The following TET2 variants were observed in gnomAD, a reference collection of about 807,000 sequenced individuals.
The protein encoded by TET2 is tet methylcytosine dioxygenase 2.
Under a neutral mutation model 142.9 loss-of-function variants are expected in TET2, and 299 were observed. The ratio of observed to expected loss-of-function variants is 2.09; its 90% CI spans 1.90 to 2.30. TET2 has a LOEUF of 2.30. TET2 is among the 30% of genes most tolerant of loss of function. The pLI, the probability that TET2 is intolerant of heterozygous loss-of-function variation, is 0.00. For missense variants in TET2, 2,418 were observed against 2,378.0 expected, an observed-to-expected ratio of 1.02 and a Z score of -0.35; for synonymous variants, 819 against 849.0, an observed-to-expected ratio of 0.96 and a Z score of 0.61.
intron 2 of TET2, among the ~76,000 whole-genome samples, chr4:105,231,002 C>A (rs1234246975): frequency 6.6e-6 from 1 of 151,942 alleles, no homozygotes; most frequent in African/African-American, 2.4e-5. Flanking sequence ...TCAAGTATGT[C>A]TTTGAAATCC....
At chr4:105,152,553 A>G (rs1438227447) in intron 1 of TET2, among the ~76,000 whole-genome samples, 1 of 151,628 alleles carries the variant, frequency 6.6e-6, no homozygotes, top group African/African-American at 2.4e-5. Flanking sequence ...CTAGAAAAAA[A>G]AAGTATAATC....
rs1401073872 is a variant in TET2, at chr4:105,243,941, GA to G, written c.3803+165del. On this transcript the variant is annotated intron_variant, in intron 6 of 10. Coordinates refer to ENST00000380013, the MANE Select transcript of TET2 (RefSeq NM_001127208.3). Reference sequence around the variant, plus strand: ...GATAAGAAGTTGTATTTGCTAATGTGAATAACTTGAGATGATTTCATTATCT... The same window carrying G: ...GATAAGAAGTTGTATTTGCTAATGTGATAACTTGAGATGATTTCATTATCT... Among the ~76,000 whole-genome samples the G allele has an allele frequency of 2.6e-5, 4 of 152,210 alleles. No homozygotes were observed. The East Asian group carries it at 7.7e-4, about 29-fold the overall frequency.
At chr4:105,173,665 A>G (rs1724612032) in intron 1 of TET2, among the ~76,000 whole-genome samples, 1 of 152,242 alleles carries the variant, frequency 6.6e-6, no homozygotes, top group Non-Finnish European at 1.5e-5. Flanking sequence ...AGGTGATGAC[A>G]TGAGGAAAAA....
chr4:105,250,771 C>T (rs1702410671), intron 6 of TET2, among the ~76,000 whole-genome samples: 1 of 152,112 alleles, frequency 6.6e-6, no homozygotes, highest in African/African-American at 2.4e-5. Flanking sequence ...CAGCTCACTG[C>T]AACCTCCACC....
At chr4:105,206,489 T>C (rs72955167) in intron 2 of TET2, among the ~76,000 whole-genome samples, 14,355 of 152,200 alleles carry the variant, frequency 0.094, 1,924 homozygotes, top group African/African-American at 0.3. Flanking sequence ...CAGTCTACCT[T>C]TGTCCTGTTA....
In TET2 at chr4:105,226,593, G is replaced by GTCTCCTTCCCTCCCTC. The variant is rs1220346584; in HGVS notation, c.-46-7286_-46-7271dup. ...GGGTGTGTGGCACGTCCCCCTCCCT[G>GTCTCCTTCCCTCCCTC]TCTCCTTCCCTCCCTCTCTCCTTCC... On this transcript the variant is annotated intron_variant, in intron 2 of 10. Coordinates refer to ENST00000380013, the MANE Select transcript of TET2 (RefSeq NM_001127208.3). Among the ~76,000 whole-genome samples the GTCTCCTTCCCTCCCTC allele has an allele frequency of 2.6e-3, 392 of 151,510 alleles. 2 individuals are homozygous for GTCTCCTTCCCTCCCTC. The highest frequency in any genetic ancestry group is 8.9e-3 in the African/African-American group (368 of 41,242).
At chr4:105,266,633 T>C (rs1422553658) in intron 8 of TET2, among the ~76,000 whole-genome samples, 1 of 151,996 alleles carries the variant, frequency 6.6e-6, no homozygotes, top group Non-Finnish European at 1.5e-5. Flanking sequence ...GTGAAAAATA[T>C]ATATCTAGAT....
chr4:105,198,959 G>C (rs1442772857), intron 2 of TET2, among the ~76,000 whole-genome samples: 2 of 151,960 alleles, frequency 1.3e-5, no homozygotes, highest in African/African-American at 2.4e-5. Flanking sequence ...TTTCACTAAA[G>C]TGTCCTACCA....
At chr4:105,223,000 A>C (rs1023175644) in intron 2 of TET2, among the ~76,000 whole-genome samples, 12 of 152,074 alleles carry the variant, frequency 7.9e-5, no homozygotes, top group Non-Finnish European at 1.6e-4. Flanking sequence ...TGTTTTTCTC[A>C]GGTTTGTCAA....
intron 2 of TET2, among the ~76,000 whole-genome samples, chr4:105,230,781 T>G (rs1252642950): frequency 3.3e-5 from 5 of 152,188 alleles, no homozygotes; most frequent in African/African-American, 9.6e-5. Context: ...TAGCAAACTT[T>G]CCCATCTTTT....
chr4:105,168,819 T>A (rs1013684075), intron 1 of TET2, among the ~76,000 whole-genome samples: 2 of 152,214 alleles, frequency 1.3e-5, no homozygotes, highest in South Asian at 4.1e-4. Flanking sequence ...CTCCCACTTA[T>A]GAGTGAGAAC....
intron 1 of TET2, among the ~76,000 whole-genome samples, chr4:105,186,254 A>C (rs564229436): frequency 6.6e-6 from 1 of 152,130 alleles, no homozygotes; most frequent in Non-Finnish European, 1.5e-5. Flanking sequence ...AAAAACAAAA[A>C]CAACAGTAGA....
chr4:105,246,798 T>C (rs1729604596), intron 6 of TET2, among the ~76,000 whole-genome samples: 1 of 152,204 alleles, frequency 6.6e-6, no homozygotes, highest in African/African-American at 2.4e-5. Context: ...AATCCCTGTG[T>C]CCACATGCTC....
At chr4:105,149,241 T>G (rs943308284) in intron 1 of TET2, among the ~76,000 whole-genome samples, 3 of 152,176 alleles carry the variant, frequency 2.0e-5, no homozygotes, top group African/African-American at 7.2e-5. Flanking sequence ...CAACTAATAA[T>G]AGATACAACA....
intron 1 of TET2, among the ~76,000 whole-genome samples, chr4:105,187,497 T>G (rs937401247): frequency 6.6e-6 from 1 of 152,214 alleles, no homozygotes; most frequent in Non-Finnish European, 1.5e-5. Context: ...AATACATAAG[T>G]TTTTTCAAAT....
At chr4:105,225,388 T>C (rs1019871106) in intron 2 of TET2, among the ~76,000 whole-genome samples, 3 of 152,150 alleles carry the variant, frequency 2.0e-5, no homozygotes, top group Non-Finnish European at 4.4e-5. Flanking sequence ...TTTTATGTGG[T>C]GTTCTCTGTA....
chr4:105,151,131 C>T (rs1310233528), intron 1 of TET2, among the ~76,000 whole-genome samples: 4 of 152,056 alleles, frequency 2.6e-5, no homozygotes, highest in Non-Finnish European at 5.9e-5. Context: ...CCACCCTGGG[C>T]AACACAGTCA....
intron 10 of TET2, among the ~76,000 whole-genome samples, chr4:105,273,732 A>G (rs1731072298): frequency 6.6e-6 from 1 of 152,132 alleles, no homozygotes; most frequent in Non-Finnish European, 1.5e-5. Context: ...GGAGAATGAA[A>G]CATTTTTCCT....
intron 1 of TET2, among the ~76,000 whole-genome samples, chr4:105,163,850 A>AGT (rs1414292126): frequency 7.3e-4 from 80 of 109,680 alleles, no homozygotes; most frequent in African/African-American, 2.3e-3. Flanking sequence ...AGAGAGAGAG[A>AGT]GAGAGTGTGT....
Sources: gnomAD v4.1 joint callset for allele counts (sites outside exome capture counted in the v4.1 genomes callset) on GRCh38, gnomAD v4.1.1 for gene constraint, MANE v1.5 for transcripts, NCBI Gene and HGNC (gene_info 2026-07-23, HGNC 2026-07-21) for gene names.